Variants in NBR1 observed in about 807,000 individuals in gnomAD.
The protein encoded by NBR1 is next to BRCA1 gene 1 protein.
In NBR1, 59 loss-of-function variants were observed where a neutral mutation model predicts 115.5. The ratio of observed to expected loss-of-function variants is 0.51; its 90% CI spans 0.41 to 0.63. The LOEUF (loss-of-function observed/expected upper bound fraction) is 0.63. NBR1 is among the 30% of genes least tolerant of loss of function. The probability of loss-of-function intolerance (pLI) is 0.00; values close to 1 mark genes in which losing one functional copy is unlikely to be tolerated. For missense variants in NBR1, 1,043 were observed against 1,150.5 expected (o/e 0.91, Z 1.35); for synonymous variants, 373 against 414.7 (o/e 0.90, Z 1.22).
Position 43,186,340 on chromosome 17 carries a change from A to G in NBR1, c.298A>G (p.Lys100Glu). Residue 100 changes from lysine (K) to glutamate (E), a missense_variant, in exon 6 of 21, where the codon AAA becomes GAA. By Grantham distance (56) the Lys-to-Glu change is moderately conservative. Transcript: ENST00000590996. ...DEAPPPVVGA[K>E]RLAARAGKKP... ...AGCCCCACCCCCAGTTGTAGGAGCA[A>G]AACGACTAGCTGCCAGGGCAGGGAA... 6.3e-7 allele frequency: 1 copy of G among 1,597,760 alleles called. No homozygotes were observed. Among genetic ancestry groups the G allele is most frequent in the Non-Finnish European group, 8.5e-7 (1 of 1,172,206 alleles).
At chr17:43,202,198 C>T (rs1380586102) in intron 18 of NBR1, among the ~76,000 whole-genome samples, 3 of 100,940 alleles carry the variant, frequency 3.0e-5, no homozygotes, top group African/African-American at 9.1e-5. Context: ...AAAAAAAAAA[C>T]TTGCCCTTCA....
intron 5 of NBR1, among the ~76,000 whole-genome samples, chr17:43,182,568 G>A (rs913899799): frequency 6.6e-6 from 1 of 151,432 alleles, no homozygotes; most frequent in Non-Finnish European, 1.5e-5. Flanking sequence ...GTTTAAGGCA[G>A]AGATGACAGC....
Position 43,178,149 on chromosome 17 carries a change from C to T in NBR1, c.165+151C>T, listed in dbSNP as rs117976394. 4.4e-4 allele frequency: 416 copies of T among 943,168 alleles called. 1 individual carries two copies. The East Asian group carries it at 0.012, about 27-fold the overall frequency. The allele number at this position is 943,168 out of a possible 1,614,324, so 58.4% of individuals were successfully genotyped here. A position where few individuals can be genotyped will look rare whatever the true frequency, so the allele number is the denominator to read the frequency against. ...TAACTGAATATTCTAAGAAGACTTG[C>T]AGCATCTGAGATGGAGTTGAGAAAT... is the stretch of plus-strand genomic sequence containing the variant. On this transcript the variant is annotated intron_variant, in intron 3 of 20. Transcript: ENST00000590996.
At position 43,211,682 on chromosome 17, in the gene NBR1, A is replaced by G. The variant is rs926331007; in HGVS notation, c.*1608A>G. On this transcript the variant is annotated 3_prime_UTR_variant, in exon 21 of 21. Transcript: ENST00000590996. ...AATGGTGAAATAAATGTTCTTGGAA[A>G]TTCCTACCCGGACTGGCTAGTCCTT... The G allele has an allele frequency of 6.6e-6, 1 of 151,652 alleles. No individual in the cohort carries two copies. Among genetic ancestry groups the G allele is most frequent in the Non-Finnish European group, 1.5e-5 (1 of 67,946 alleles). 9.4% of individuals were successfully genotyped at this position (151,652 alleles called of 1,614,324 possible). A position where few individuals can be genotyped will look rare whatever the true frequency, so the allele number is the denominator to read the frequency against.
At chr17:43,186,149 T>G in intron 5 of NBR1, 101 bp from the exon 6 acceptor site, 1 of 989,092 alleles carries the variant, frequency 1.0e-6, no homozygotes, top group Admixed American at 3.3e-5. Context: ...TAGTATTTTC[T>G]AGCATAACTT....
chr17:43,193,804 C>T (rs2057006573), intron 12 of NBR1, among the ~76,000 whole-genome samples, 166 bp downstream of exon 12: 1 of 152,166 alleles, frequency 6.6e-6, no homozygotes, highest in African/African-American at 2.4e-5. Flanking sequence ...TGGCCTCTTC[C>T]TTAGGGTGTT....
At chr17:43,200,655 TAAAG>T (rs755942303) in intron 17 of NBR1, 47 bp downstream of exon 17, 3 of 1,515,848 alleles carry the variant, frequency 2.0e-6, no homozygotes, top group Non-Finnish European at 8.9e-7. Flanking sequence ...AGAGGTGAAA[TAAAG>T]AGAGGAATCG....
chr17:43,191,523 C>G lies in NBR1; in HGVS notation c.1015C>G (p.Gln339Glu). 5.6e-6 allele frequency: 9 copies of G among 1,613,412 alleles called. No individual in the cohort carries two copies. The highest frequency in any genetic ancestry group is 7.6e-6 in the Non-Finnish European group (9 of 1,179,634). The change falls in exon 10 of 21, where the codon CAG (glutamine) becomes GAG (glutamate). Residue 339 changes from glutamine to glutamate, a missense_variant. Gln to Glu is a conservative substitution (Grantham distance 29). Transcript: ENST00000590996. ...CCTGTGGAATTCAATCCATGGACTC[C>G]AGAGCCCCAAGTCTCCTTTAGGCCG... ...IHLWNSIHGL[Q>E]SPKSPLGRPE...
At chr17:43,186,011 TAAA>T (rs1195231917) in intron 5 of NBR1, among the ~76,000 whole-genome samples, 2 of 15,014 alleles carry the variant, frequency 1.3e-4, no homozygotes, top group Non-Finnish European at 0.013. Flanking sequence ...CAAAAATAAA[TAAA>T]TAAATAAATA....
chr17:43,208,546 G>C (rs1016776011), intron 20 of NBR1, among the ~76,000 whole-genome samples: 3 of 152,132 alleles, frequency 2.0e-5, no homozygotes, highest in Non-Finnish European at 2.9e-5. Flanking sequence ...GTTCATAAAG[G>C]AATTGATAGC....
At chr17:43,194,694 A>G (rs2057026739) in intron 13 of NBR1, 195 bp downstream of exon 13, 1 of 677,796 alleles carries the variant, frequency 1.5e-6, no homozygotes, top group African/African-American at 1.8e-5. Flanking sequence ...TTGGGAACTC[A>G]ATCCTGTACT....
At chr17:43,176,273 G>A (rs2056514445) in intron 2 of NBR1, 1 of 164,550 alleles carries the variant, frequency 6.1e-6, no homozygotes, top group Non-Finnish European at 1.3e-5. Context: ...TTTGCACAAG[G>A]ATATAACTTG....
chr17:43,180,674 A>T, intron 4 of NBR1, 121 bp from the exon 5 acceptor site: 1 of 1,126,764 alleles, frequency 8.9e-7, no homozygotes, highest in Non-Finnish European at 1.1e-6. Context: ...CCTTAATCTT[A>T]TGGAATCTTT....
At chr17:43,191,718 A>T (rs1212837722) in intron 10 of NBR1, 137 bp downstream of exon 10, 1 of 646,320 alleles carries the variant, frequency 1.5e-6, no homozygotes, top group Non-Finnish European at 2.7e-6. Context: ...TGGTCTTAGT[A>T]TTTTTTGTTT....
At chr17:43,178,086 T>C (rs2056568608) in intron 3 of NBR1, 88 bp downstream of exon 3, 2 of 1,436,716 alleles carry the variant, frequency 1.4e-6, no homozygotes, top group Non-Finnish European at 9.5e-7. Context: ...TTCAAAATAG[T>C]GTTTAGCTTA....
chr17:43,197,072 C>A lies in NBR1; in HGVS notation c.1992C>A (p.Asp664Glu). Residue 664 changes from aspartate to glutamate, a missense_variant, in exon 16 of 21, where the codon GAC becomes GAA. By Grantham distance (45) the Asp-to-Glu change is conservative. Transcript: ENST00000590996. ...IRSLTLDAAP[D>E]HNPPCRQKSL... ...CCCTTACCTTGGATGCTGCCCCAGA[C>A]CACAACCCTCCTTGCAGACAGAAGT... is the stretch of plus-strand genomic sequence containing the variant. 1.2e-6 allele frequency: 2 copies of A among 1,613,998 alleles called. No individual in the cohort carries two copies. Among genetic ancestry groups the A allele is most frequent in the Non-Finnish European group, 1.7e-6 (2 of 1,179,878 alleles).
At chr17:43,174,325 G>A (rs2056451732) in intron 1 of NBR1, among the ~76,000 whole-genome samples, 1 of 152,108 alleles carries the variant, frequency 6.6e-6, no homozygotes, top group African/African-American at 2.4e-5. Flanking sequence ...GTCCGGGCAT[G>A]GTGGCTCACG....
rs2057230150 is a variant in NBR1, at chr17:43,202,671, A to G, written c.2580A>G (p.Ser860=). ...TGCTTTTAGAGCCCAGAGGCTCATCAGGACTTGTAAACAGCAGACAGAAGA... is the reference window on the plus strand; with the variant it reads ...TGCTTTTAGAGCCCAGAGGCTCATCGGGACTTGTAAACAGCAGACAGAAGA... The part of the protein sequence containing the change: ...DQIRGEPRGS[S]GLVNSRQKSY... Residue 860 remains serine (S), a synonymous_variant, in exon 19 of 21, where the codon TCA becomes TCG. Coordinates refer to ENST00000590996, the MANE Select transcript of NBR1 (RefSeq NM_005899.5). 6.3e-7 allele frequency: 1 copy of G among 1,577,112 alleles called. No individual in the cohort carries two copies.
At chr17:43,197,518 C>CA (rs34415980) in intron 16 of NBR1, among the ~76,000 whole-genome samples, 35,821 of 140,084 alleles carry the variant, frequency 0.26, 4,648 homozygotes, top group South Asian at 0.47. Flanking sequence ...GACTCCATCT[C>CA]AAAAAAAAAA....
Sources: gnomAD v4.1 joint callset for allele counts (sites outside exome capture counted in the v4.1 genomes callset) on GRCh38, gnomAD v4.1.1 for gene constraint, MANE v1.5 for transcripts, NCBI Gene and HGNC (gene_info 2026-07-23, HGNC 2026-07-21) for gene names.